Variants in ADAMTSL1 observed in about 807,000 individuals in gnomAD.
ADAMTSL1 encodes ADAMTS like 1.
In ADAMTSL1, 126 loss-of-function variants were observed where a neutral mutation model predicts 201.8. That is an observed-to-expected ratio of 0.62 (90% CI 0.54 to 0.72). ADAMTSL1 has a LOEUF of 0.72. ADAMTSL1 is among the 30% of genes least tolerant of loss of function. The pLI, the probability that ADAMTSL1 is intolerant of heterozygous loss-of-function variation, is 0.00. For missense variants in ADAMTSL1, 2,679 were observed against 2,277.8 expected, an observed-to-expected ratio of 1.18 and a Z score of -3.59; for synonymous variants, 1,121 against 903.4, an observed-to-expected ratio of 1.24 and a Z score of -4.32.
intron 5 of ADAMTSL1, among the ~76,000 whole-genome samples, chr9:18,634,338 T>C (rs1288311921): frequency 1.3e-5 from 2 of 150,682 alleles, no homozygotes; most frequent in East Asian, 3.9e-4. Context: ...CCGAGGCAGG[T>C]GGATCTCTTC....
intron 3 of ADAMTSL1, among the ~76,000 whole-genome samples, chr9:18,536,920 A>G (rs13290343): frequency 0.25 from 35,230 of 143,000 alleles, 4,633 homozygotes; most frequent in East Asian, 0.63. Context: ...TAGAGTACTT[A>G]TAAACTGTTT....
intron 1 of ADAMTSL1, among the ~76,000 whole-genome samples, chr9:18,113,143 G>A (rs974983043): frequency 4.6e-5 from 7 of 152,108 alleles, no homozygotes; most frequent in African/African-American, 1.7e-4. Context: ...TAGATACGAT[G>A]GGATTGTGAA....
intron 2 of ADAMTSL1, among the ~76,000 whole-genome samples, chr9:18,394,242 T>G (rs189161051): frequency 4.6e-5 from 7 of 152,288 alleles, no homozygotes; most frequent in South Asian, 4.1e-4. Flanking sequence ...GATTGCATTG[T>G]TTTAAATCCT....
At chr9:18,592,261 T>C (rs1270935825) in intron 4 of ADAMTSL1, among the ~76,000 whole-genome samples, 2 of 152,142 alleles carry the variant, frequency 1.3e-5, no homozygotes, top group African/African-American at 4.8e-5. Flanking sequence ...CTTCATTGCT[T>C]GTCATATAAA....
chr9:18,654,898 C>G (rs1019922520), intron 7 of ADAMTSL1, among the ~76,000 whole-genome samples: 1 of 152,234 alleles, frequency 6.6e-6, no homozygotes, highest in Non-Finnish European at 1.5e-5. Flanking sequence ...GACCAAGTCA[C>G]ATAACACTGT....
At chr9:18,280,920 G>T (rs188268165) in intron 2 of ADAMTSL1, among the ~76,000 whole-genome samples, 3 of 139,092 alleles carry the variant, frequency 2.2e-5, no homozygotes, top group Non-Finnish European at 4.5e-5. Flanking sequence ...CTGTCACCCA[G>T]ACTGAAGTGC....
intron 2 of ADAMTSL1, among the ~76,000 whole-genome samples, chr9:18,322,409 G>C (rs1834660615): frequency 6.6e-6 from 1 of 152,134 alleles, no homozygotes; most frequent in African/African-American, 2.4e-5. Context: ...GAGGTGGGTG[G>C]CTCATCTGAG....
rs116734517 is a variant in ADAMTSL1, at chr9:18,086,632, C to T, written c.88-77230C>T. Among the ~76,000 whole-genome samples, 588 of 152,284 alleles carry T rather than the reference C, an allele frequency of 3.9e-3. 3 individuals are homozygous for T. Among genetic ancestry groups the T allele is most frequent in the African/African-American group, 0.013 (548 of 41,574 alleles). On this transcript the variant is annotated intron_variant, in intron 1 of 29. Transcript: ENST00000680146. The stretch of plus-strand genomic sequence containing the variant: ...TGTACTCTACACTGTGATACAACCA[C>T]ATATTAAATACTATCTTCAGTGATC...
intron 10 of ADAMTSL1, 129 bp downstream of exon 10, chr9:18,676,036 T>A (rs1830113222): frequency 2.2e-6 from 2 of 916,574 alleles, no homozygotes; most frequent in African/African-American, 3.3e-5. Context: ...ATGGTATATT[T>A]TGCAATCCAT....
intron 1 of ADAMTSL1, among the ~76,000 whole-genome samples, chr9:17,975,870 G>C (rs1402972488): frequency 6.6e-6 from 1 of 151,882 alleles, no homozygotes; most frequent in Non-Finnish European, 1.5e-5. Flanking sequence ...ATATTTAACT[G>C]TTTATCTATT....
At chr9:18,533,325 A>G (rs770475264) in intron 3 of ADAMTSL1, 33 bp downstream of exon 3, 4 of 1,588,028 alleles carry the variant, frequency 2.5e-6, no homozygotes, top group East Asian at 2.3e-5. Flanking sequence ...GTAATCATGT[A>G]TTTTTGTTAG....
chr9:18,115,593 G>C (rs974362768), intron 1 of ADAMTSL1, among the ~76,000 whole-genome samples: 1 of 152,152 alleles, frequency 6.6e-6, no homozygotes, highest in African/African-American at 2.4e-5. Flanking sequence ...AGGATTTACT[G>C]TGTTCTGGGC....
At chr9:18,880,928 C>A (rs1340287361) in intron 23 of ADAMTSL1, among the ~76,000 whole-genome samples, 1 of 152,218 alleles carries the variant, frequency 6.6e-6, no homozygotes, top group Non-Finnish European at 1.5e-5. Flanking sequence ...GGATAACTTG[C>A]TGCTTTAACT....
intron 15 of ADAMTSL1, among the ~76,000 whole-genome samples, chr9:18,736,977 G>T (rs545909783): frequency 7.9e-5 from 12 of 152,198 alleles, no homozygotes; most frequent in Admixed American, 7.2e-4. Flanking sequence ...TATCAAATGT[G>T]CCCACTTGTC....
chr9:17,916,715 T>C (rs966042900), intron 1 of ADAMTSL1, among the ~76,000 whole-genome samples: 5 of 152,192 alleles, frequency 3.3e-5, no homozygotes, highest in African/African-American at 1.2e-4. Flanking sequence ...TATAGCCTTA[T>C]AAAAAGTCCT....
chr9:18,807,725 T>C (rs1823254481), intron 20 of ADAMTSL1, among the ~76,000 whole-genome samples: 1 of 152,064 alleles, frequency 6.6e-6, no homozygotes, highest in Non-Finnish European at 1.5e-5. Context: ...GAGGGCTCAG[T>C]AATGCTGACT....
intron 19 of ADAMTSL1, among the ~76,000 whole-genome samples, chr9:18,784,829 G>T (rs1021578698): frequency 6.6e-6 from 1 of 152,174 alleles, no homozygotes; most frequent in Non-Finnish European, 1.5e-5. Flanking sequence ...GTTGAAGCAC[G>T]GAGATGTTAG....
intron 1 of ADAMTSL1, among the ~76,000 whole-genome samples, chr9:18,092,571 C>T (rs373491710): frequency 3.9e-5 from 6 of 152,108 alleles, no homozygotes; most frequent in African/African-American, 1.2e-4. Context: ...CAGGAATAAG[C>T]TCTTGTGCCT....
intron 2 of ADAMTSL1, among the ~76,000 whole-genome samples, chr9:18,295,742 A>G (rs1329451874): frequency 6.6e-6 from 1 of 152,204 alleles, no homozygotes; most frequent in Non-Finnish European, 1.5e-5. Context: ...AATTCTAAAT[A>G]GTTCATGTAC....
Sources: allele counts gnomAD v4.1 joint callset (sites outside exome capture counted in the v4.1 genomes callset), GRCh38; gene constraint gnomAD v4.1.1; transcripts MANE v1.5; gene names NCBI Gene and HGNC (gene_info 2026-07-23, HGNC 2026-07-21).